TNN: variants seen among roughly 807,000 people sequenced by gnomAD.
TNN encodes the protein tenascin N, also known as tenascin-N.
TNN carries 122 observed loss-of-function variants against 134.4 expected under a neutral mutation model. The ratio of observed to expected loss-of-function variants is 0.91; its 90% CI spans 0.78 to 1.06. The LOEUF is 1.06. Ranked by LOEUF, TNN falls within the 50% of genes least tolerant of loss-of-function variation. TNN has a pLI of 0.00. For missense variants in TNN, 1,739 were observed against 1,699.4 expected (o/e 1.02, Z -0.41); for synonymous variants, 710 against 670.3 (o/e 1.06, Z -0.91).
At chr1:175,138,728 T>C (rs1675877721) in intron 17 of TNN, among the ~76,000 whole-genome samples, 1 of 152,240 alleles carries the variant, frequency 6.6e-6, no homozygotes, top group African/African-American at 2.4e-5. Context: ...ACTTGAAGTA[T>C]AACATAGTCA....
At position 175,128,132 on chromosome 1, in the gene TNN, G is replaced by A. The variant is rs200396812; in HGVS notation, c.3146G>A (p.Arg1049Gln). 51 of 1,611,270 alleles carry A rather than the reference G, an allele frequency of 3.2e-5. No individual in the cohort carries two copies. Among genetic ancestry groups the A allele is most frequent in the East Asian group, 1.1e-4 (5 of 44,826 alleles). Residue 1049 changes from arginine (R) to glutamine (Q), a missense_variant, in exon 14 of 19, where the codon CGG (arginine) becomes CAG (glutamine). By Grantham distance (43) the Arg-to-Gln change is conservative. Transcript: ENST00000239462. ...CTTGTTGCCTTTAAGGGTGGTCGCCGGAGCAGAAATGTATCCACCACCCTC... is the reference window on the plus strand; with the variant it reads ...CTTGTTGCCTTTAAGGGTGGTCGCCAGAGCAGAAATGTATCCACCACCCTC... ...VSLVAFKGGR[R>Q]SRNVSTTLST...
At chr1:175,088,219 G>C (rs1324743820) in intron 6 of TNN, among the ~76,000 whole-genome samples, 2 of 152,108 alleles carry the variant, frequency 1.3e-5, no homozygotes, top group African/African-American at 4.8e-5. Flanking sequence ...GGGGCTGGTA[G>C]TTCCAATCCT....
chr1:175,072,168 G>A (rs1001992697), intron 1 of TNN, among the ~76,000 whole-genome samples: 5 of 152,174 alleles, frequency 3.3e-5, no homozygotes, highest in African/African-American at 4.8e-5. Context: ...ATGGTCAGTC[G>A]TGTACTCCTC....
intron 9 of TNN, among the ~76,000 whole-genome samples, chr1:175,109,104 C>T (rs1401174651): frequency 5.2e-5 from 2 of 38,108 alleles, no homozygotes; most frequent in African/African-American, 3.4e-4. Flanking sequence ...TTTTTTGAGA[C>T]GGAGTCTCGC....
chr1:175,093,345 G>T (rs1246487008), intron 6 of TNN, among the ~76,000 whole-genome samples: 1 of 152,208 alleles, frequency 6.6e-6, no homozygotes, highest in Non-Finnish European at 1.5e-5. Context: ...GGACACAGCT[G>T]GCATATTGTT....
chr1:175,102,657 A>G lies in TNN; in HGVS notation c.2119+4062A>G, dbSNP rs901282394. ...CAGCTGGCCCGCAAGCACCATGCGC[A>G]GCCCTGGTTCCCACTCGCGCCTCTC... is the stretch of plus-strand genomic sequence containing the variant. On this transcript the variant is annotated intron_variant, in intron 9 of 18. Transcript: ENST00000239462. Among the ~76,000 whole-genome samples the G allele has an allele frequency of 8.3e-5, 12 of 145,136 alleles. 3 individuals are homozygous for G. The highest frequency in any genetic ancestry group is 1.7e-4 in the Non-Finnish European group (11 of 65,292).
In TNN at chr1:175,080,279, G is replaced by A. The variant is rs747596869; in HGVS notation, c.901G>A (p.Glu301Lys). 4.9e-5 allele frequency: 79 copies of A among 1,613,974 alleles called. No individual in the cohort carries two copies. Among genetic ancestry groups the A allele is most frequent in the Non-Finnish European group, 6.2e-5 (73 of 1,180,004 alleles). ...YLLSYYPLGK[E>K]LSGKQIQVPK... ...CCTCAGCTACTACCCCCTGGGGAAGGAGCTCTCTGGGAAGCAGATCCAAGT... is the reference window on the plus strand; with the variant it reads ...CCTCAGCTACTACCCCCTGGGGAAGAAGCTCTCTGGGAAGCAGATCCAAGT... Residue 301 changes from glutamate to lysine, a missense_variant, in exon 4 of 19, where the codon GAG becomes AAG. Glu to Lys is a moderately conservative substitution (Grantham distance 56). Coordinates refer to ENST00000239462, the MANE Select transcript of TNN (RefSeq NM_022093.2).
rs890272535 is a variant in TNN at position 175,077,261 on chromosome 1, A to G, written c.-35-123A>G. The G allele has an allele frequency of 2.2e-5, 17 of 763,428 alleles. No individual in the cohort carries two copies. The African/African-American group carries it at 2.8e-4, about 12-fold the overall frequency. 47.3% of individuals were successfully genotyped at this position (763,428 alleles called of 1,614,324 possible). A position where few individuals can be genotyped will look rare whatever the true frequency, so the allele number is the denominator to read the frequency against. ...GTAATTTGGTTCGGATCCTTGGGAGAAATAGAATGAGTTCTTTCTGCTGGT... is the reference window on the plus strand; with the variant it reads ...GTAATTTGGTTCGGATCCTTGGGAGGAATAGAATGAGTTCTTTCTGCTGGT... On this transcript the variant is annotated intron_variant, in intron 1 of 18. Transcript: ENST00000239462.
intron 14 of TNN, 21 bp from the exon 15 acceptor site, chr1:175,128,574 C>A (rs151337821): frequency 2.5e-6 from 4 of 1,602,484 alleles, no homozygotes; most frequent in Non-Finnish European, 3.4e-6. Flanking sequence ...CCTAACAACA[C>A]TCTCTCTGCT....
chr1:175,125,706 T>C (rs1425133686), intron 12 of TNN, among the ~76,000 whole-genome samples: 10 of 10,396 alleles, frequency 9.6e-4, no homozygotes, highest in African/African-American at 5.4e-3. Context: ...TTTTTCTCTC[T>C]TTCTTTCTTT....
At chr1:175,125,834 CTTTTTTCTTTTTCTTTCTTTCTTTT>C (rs1675513953) in intron 12 of TNN, among the ~76,000 whole-genome samples, 2 of 3,306 alleles carry the variant, frequency 6.0e-4, no homozygotes, top group African/African-American at 4.6e-3. Flanking sequence ...TTCTTTCTTT[CTTTTTTCTTTTTCTTTCTTTCTTTT>C]TTCTTTTTCT....
chr1:175,068,563 A>G (rs1470223161), intron 1 of TNN, among the ~76,000 whole-genome samples: 1 of 152,156 alleles, frequency 6.6e-6, no homozygotes. Flanking sequence ...AAATCCCCAT[A>G]CTATTACCCT....
At chr1:175,144,287 T>C in intron 17 of TNN, 100 bp from the exon 18 acceptor site, 1 of 1,137,890 alleles carries the variant, frequency 8.8e-7, no homozygotes, top group East Asian at 2.4e-5. Flanking sequence ...GCTGCATCTT[T>C]GGCATTTTCA....
intron 4 of TNN, among the ~76,000 whole-genome samples, chr1:175,081,745 C>G (rs558952073): frequency 4.6e-4 from 69 of 151,410 alleles, no homozygotes; most frequent in African/African-American, 1.6e-3. Flanking sequence ...TATGGGGGAC[C>G]ATAGAGGTAT....
intron 9 of TNN, among the ~76,000 whole-genome samples, chr1:175,101,580 G>A (rs1430641845): frequency 6.7e-6 from 1 of 150,024 alleles, no homozygotes; most frequent in East Asian, 2.0e-4. Flanking sequence ...GGCCTGTTTT[G>A]TCAGGGCGCT....
intron 5 of TNN, among the ~76,000 whole-genome samples, chr1:175,084,594 C>T (rs1558350570): frequency 6.6e-6 from 1 of 152,092 alleles, no homozygotes; most frequent in Non-Finnish European, 1.5e-5. Flanking sequence ...TGGAATGGGC[C>T]CGTGAAAGTG....
chr1:175,069,933 C>A (rs1260907549), intron 1 of TNN, among the ~76,000 whole-genome samples: 2 of 152,322 alleles, frequency 1.3e-5, no homozygotes, highest in South Asian at 2.1e-4. Flanking sequence ...AAAGAAATTG[C>A]AGAGTTTTTT....
At chr1:175,090,312 T>G (rs1674412784) in intron 6 of TNN, among the ~76,000 whole-genome samples, 1 of 152,152 alleles carries the variant, frequency 6.6e-6, no homozygotes, top group African/African-American at 2.4e-5. Context: ...AAACGATGCC[T>G]TTTGGATAAT....
rs1237799029 is a variant in TNN, at chr1:175,128,626, C to T, written c.3210C>T (p.Cys1070=). Residue 1070 remains cysteine (C), a synonymous_variant, in exon 15 of 19, where the codon TGC becomes TGT. Coordinates refer to ENST00000239462, the MANE Select transcript of TNN (RefSeq NM_022093.2). ...CCCGTTTCCCACACCCTTCGGACTG[C>T]AGTCAGGTTCAGCAGAACAGCAATG... ...VGARFPHPSD[C]SQVQQNSNAA... 4.3e-6 allele frequency: 7 copies of T among 1,613,350 alleles called. No individual in the cohort carries two copies. Among genetic ancestry groups the T allele is most frequent in the East Asian group, 2.2e-5 (1 of 44,824 alleles).
Sources: gnomAD v4.1 joint callset for allele counts (sites outside exome capture counted in the v4.1 genomes callset) on GRCh38, gnomAD v4.1.1 for gene constraint, MANE v1.5 for transcripts, NCBI Gene and HGNC (gene_info 2026-07-23, HGNC 2026-07-21) for gene names.